The following ABHD18 variants were observed in gnomAD, a reference collection of about 807,000 sequenced individuals.
ABHD18 encodes abhydrolase domain containing 18.
Under a neutral mutation model 65.9 loss-of-function variants are expected in ABHD18, and 55 were observed. That is an observed-to-expected ratio of 0.84 (90% CI 0.67 to 1.05). The LOEUF (loss-of-function observed/expected upper bound fraction) is 1.05, where lower values mean the gene tolerates loss of function less well. Ranked by LOEUF, ABHD18 falls within the 50% of genes least tolerant of loss-of-function variation. ABHD18 has a pLI of 0.00. For synonymous variants in ABHD18, 181 were observed against 180.2 expected (o/e 1.00, Z -0.04); for missense variants, 533 against 558.5 (o/e 0.95, Z 0.46).
At chr4:128,001,715 G>T in intron 4 of ABHD18, 1 of 1,544,548 alleles carries the variant, frequency 6.5e-7, no homozygotes, top group Non-Finnish European at 8.7e-7. Flanking sequence ...CTGTCTTCCA[G>T]GATTATTGAT....
At chr4:127,968,097 T>G (rs1746039379) in intron 1 of ABHD18, among the ~76,000 whole-genome samples, 1 of 152,178 alleles carries the variant, frequency 6.6e-6, no homozygotes, top group Admixed American at 6.5e-5. Context: ...TAGTCCCAGC[T>G]ACTCGGAGAG....
chr4:127,990,228 ACT>A (rs1442828915), intron 4 of ABHD18, among the ~76,000 whole-genome samples: 1 of 152,206 alleles, frequency 6.6e-6, no homozygotes, highest in Non-Finnish European at 1.5e-5. Flanking sequence ...GAATATACAA[ACT>A]CTGCTTATCT....
Position 128,020,762 on chromosome 4 carries a change from G to A in ABHD18, c.700-375G>A, listed in dbSNP as rs111549116. On this transcript the variant is annotated intron_variant, in intron 9 of 12. Coordinates refer to ENST00000645843, the MANE Select transcript of ABHD18 (RefSeq NM_001358451.3). ...AGATAGGAAGTCTTAGGCCAGGTGC[G>A]GTGGCTCACGCCTGTAATCCCAGCA... is the stretch of plus-strand genomic sequence containing the variant. Among the ~76,000 whole-genome samples, 1,034 of 152,248 alleles carry A rather than the reference G, an allele frequency of 6.8e-3. 15 individuals carry two copies. Among genetic ancestry groups the A allele is most frequent in the African/African-American group, 0.024 (978 of 41,564 alleles).
intron 6 of ABHD18, among the ~76,000 whole-genome samples, chr4:128,011,223 C>A (rs1326346829): frequency 6.6e-6 from 1 of 151,178 alleles, no homozygotes; most frequent in Non-Finnish European, 1.5e-5. Context: ...TCTTGGCTCA[C>A]TGCAGGCTCC....
At chr4:127,978,240 G>C (rs74383439) in intron 1 of ABHD18, among the ~76,000 whole-genome samples, 3 of 151,964 alleles carry the variant, frequency 2.0e-5, no homozygotes, top group Non-Finnish European at 1.5e-5. Context: ...GTACATAGTA[G>C]GTGTATGGAT....
intron 4 of ABHD18, 32 bp downstream of exon 4, chr4:127,989,853 C>A: frequency 7.7e-7 from 1 of 1,302,336 alleles, no homozygotes. Context: ...AAGATGAATA[C>A]ATTATTTATG....
intron 12 of ABHD18, among the ~76,000 whole-genome samples, chr4:128,033,021 A>T (rs1191835229): frequency 1.3e-5 from 2 of 152,184 alleles, no homozygotes; most frequent in Admixed American, 1.3e-4. Flanking sequence ...TGGGAGGCCG[A>T]GGCGGGTGGA....
chr4:127,983,914 C>T (rs1341376767), intron 2 of ABHD18, among the ~76,000 whole-genome samples: 1 of 151,872 alleles, frequency 6.6e-6, no homozygotes, highest in African/African-American at 2.4e-5. Flanking sequence ...TGGCACATGC[C>T]TGTAATCCCA....
intron 3 of ABHD18, among the ~76,000 whole-genome samples, chr4:127,985,164 C>T (rs1027916130): frequency 2.6e-5 from 4 of 151,532 alleles, no homozygotes; most frequent in African/African-American, 7.3e-5. Flanking sequence ...ACAGTTAATT[C>T]CTGAGAGAAT....
At position 128,037,122 on chromosome 4, in the gene ABHD18, A is replaced by G. The variant is rs1441515816; in HGVS notation, c.*1309A>G. On this transcript the variant is annotated 3_prime_UTR_variant, in exon 13 of 13. Coordinates refer to ENST00000645843, the MANE Select transcript of ABHD18 (RefSeq NM_001358451.3). Reference sequence around the variant, plus strand: ...CAACAGAGCAAAACTCCATCTCAAAAAAAAAAAAAAAAAAAAAAAAAAATT... The same window carrying G: ...CAACAGAGCAAAACTCCATCTCAAAGAAAAAAAAAAAAAAAAAAAAAAATT... 2 of 138,106 alleles carry G rather than the reference A, an allele frequency of 1.4e-5. No homozygotes were observed. The highest frequency in any genetic ancestry group is 3.0e-5 in the Non-Finnish European group (2 of 65,844). The allele number at this position is 138,106 out of a possible 1,614,324, so 8.6% of individuals were successfully genotyped here.
In ABHD18 at chr4:128,028,675, C is replaced by T; in HGVS notation, c.1002C>T (p.Thr334=). The change falls in exon 11 of 13, where the codon ACC becomes ACT. Residue 334 remains threonine (T), a synonymous_variant. Transcript: ENST00000645843. ...ATSEGLLLQD[T]SKMKRFNQTL... The stretch of plus-strand genomic sequence containing the variant: ...CAGAAGGACTCTTATTGCAAGATAC[C>T]TCTAAGATGAAGCGCTTCAATCAAA... The T allele has an allele frequency of 6.2e-7, 1 of 1,613,858 alleles. No individual in the cohort carries two copies. The highest frequency in any genetic ancestry group is 8.5e-7 in the Non-Finnish European group (1 of 1,179,854).
chr4:128,016,650 C>T (rs1249535045), intron 7 of ABHD18, among the ~76,000 whole-genome samples: 1 of 152,136 alleles, frequency 6.6e-6, no homozygotes, highest in East Asian at 1.9e-4. Flanking sequence ...TGGCTCACGC[C>T]TGTAATTCCA....
chr4:127,966,192 A>G (rs931836278), intron 1 of ABHD18: 3 of 152,118 alleles, frequency 2.0e-5, no homozygotes, highest in Non-Finnish European at 2.9e-5. Context: ...TATCTCTACT[A>G]TTAGGCTTGT....
At chr4:127,981,359 G>A (rs72618806) in intron 1 of ABHD18, among the ~76,000 whole-genome samples, 4,542 of 151,976 alleles carry the variant, frequency 0.03, 300 homozygotes, top group East Asian at 0.27. Context: ...TTAGCACATT[G>A]CCTTGTTTCA....
chr4:128,037,963 T>G lies in ABHD18; in HGVS notation c.*2150T>G, dbSNP rs1340760035. 1 of 152,172 alleles carries G rather than the reference T, an allele frequency of 6.6e-6. No individual in the cohort carries two copies. The allele number at this position is 152,172 out of a possible 1,614,324, so 9.4% of individuals were successfully genotyped here. On this transcript the variant is annotated 3_prime_UTR_variant, in exon 13 of 13. Transcript: ENST00000645843. ...ATTGTGTGAAGTTTTACAGTAGGTATTTTTGAGTTTTGTTTGAAATCTGTG... is the reference window on the plus strand; with the variant it reads ...ATTGTGTGAAGTTTTACAGTAGGTAGTTTTGAGTTTTGTTTGAAATCTGTG...
At position 127,965,499 on chromosome 4, in the gene ABHD18, A is replaced by G; in HGVS notation, c.-125A>G. ...TTTCGGTTCCTGGAAAGGTTACCGGAGCTGCGATTGGGGCTGGGACCAAAG... is the reference window on the plus strand; with the variant it reads ...TTTCGGTTCCTGGAAAGGTTACCGGGGCTGCGATTGGGGCTGGGACCAAAG... On this transcript the variant is annotated 5_prime_UTR_variant, in exon 1 of 13. Transcript: ENST00000645843. The G allele has an allele frequency of 2.7e-6, 1 of 376,010 alleles. No individual in the cohort carries two copies. The allele number at this position is 376,010 out of a possible 1,614,324, so 23.3% of individuals were successfully genotyped here.
At chr4:127,972,039 T>G (rs373674755) in intron 1 of ABHD18, among the ~76,000 whole-genome samples, 3 of 152,098 alleles carry the variant, frequency 2.0e-5, no homozygotes, top group East Asian at 3.9e-4. Flanking sequence ...GGGTCTATAA[T>G]TTGCTAGAAT....
intron 12 of ABHD18, among the ~76,000 whole-genome samples, chr4:128,035,097 C>T (rs1560952037): frequency 6.6e-6 from 1 of 152,164 alleles, no homozygotes; most frequent in African/African-American, 2.4e-5. Context: ...ATCTTACATT[C>T]TGAAAAGTTA....
chr4:128,004,432 A>G (rs1008232453), intron 4 of ABHD18, among the ~76,000 whole-genome samples: 1 of 151,950 alleles, frequency 6.6e-6, no homozygotes. Flanking sequence ...AGCCTGGGCA[A>G]CAGAGCAAGA....
Sources: gnomAD v4.1 joint callset for allele counts (sites outside exome capture counted in the v4.1 genomes callset) on GRCh38, gnomAD v4.1.1 for gene constraint, MANE v1.5 for transcripts, NCBI Gene and HGNC (gene_info 2026-07-23, HGNC 2026-07-21) for gene names.